Variants in GRID1 observed in about 807,000 individuals in gnomAD.
GRID1 encodes glutamate receptor ionotropic, delta-1.
A neutral mutation model predicts 98.0 loss-of-function variants in GRID1; 28 were observed. That is an observed-to-expected ratio of 0.29 (90% CI 0.21 to 0.39). The LOEUF is 0.39. Ranked by LOEUF, GRID1 falls within the 10% of genes least tolerant of loss-of-function variation. GRID1 has a pLI of 1.00. For missense variants in GRID1, 1,111 were observed against 1,340.5 expected (o/e 0.83, Z 2.67); for synonymous variants, 553 against 538.5 (o/e 1.03, Z -0.37).
At position 86,364,572 on chromosome 10, in the gene GRID1, T is replaced by C. The variant is rs192097071; in HGVS notation, c.80-476A>G. On this transcript the variant is annotated intron_variant, in intron 1 of 15. Coordinates refer to ENST00000327946, the MANE Select transcript of GRID1 (RefSeq NM_017551.3). ...TGGGTCCTTCTCCATGCACGTCCCCTGCTGAGTGGAGCTGAGCGAAGCAGG... is the reference window on the plus strand; with the variant it reads ...TGGGTCCTTCTCCATGCACGTCCCCCGCTGAGTGGAGCTGAGCGAAGCAGG... 1.9e-3 allele frequency among the ~76,000 whole-genome samples: 294 copies of C among 152,304 alleles called. 1 individual carries two copies. The highest frequency in any genetic ancestry group is 6.5e-3 in the African/African-American group (269 of 41,576).
At chr10:86,120,303 G>T (rs1226352493) in intron 4 of GRID1, among the ~76,000 whole-genome samples, 2 of 152,150 alleles carry the variant, frequency 1.3e-5, no homozygotes, top group Non-Finnish European at 2.9e-5. Flanking sequence ...TTCTGTGGTT[G>T]GTCCTTGCCT....
chr10:86,098,609 C>T (rs577144443), intron 4 of GRID1, among the ~76,000 whole-genome samples: 2 of 152,318 alleles, frequency 1.3e-5, no homozygotes, highest in South Asian at 4.1e-4. Flanking sequence ...ATACTCATTA[C>T]TAATTTACCT....
intron 4 of GRID1, among the ~76,000 whole-genome samples, chr10:86,131,712 G>T (rs1219156201): frequency 2.0e-5 from 3 of 152,202 alleles, no homozygotes; most frequent in African/African-American, 7.2e-5. Flanking sequence ...TGATTGCTTA[G>T]ATGCTCCTTT....
intron 8 of GRID1, among the ~76,000 whole-genome samples, chr10:85,824,864 G>T (rs895469347): frequency 2.0e-5 from 3 of 152,154 alleles, no homozygotes; most frequent in African/African-American, 4.8e-5. Context: ...TGAAGTTGCT[G>T]CAAAAGACAT....
At chr10:86,098,545 C>T (rs558650200) in intron 4 of GRID1, among the ~76,000 whole-genome samples, 21 of 152,342 alleles carry the variant, frequency 1.4e-4, no homozygotes, top group African/African-American at 5.1e-4. Context: ...TCTGGAGAGA[C>T]TCCTAGAAAT....
At chr10:86,340,025 C>A (rs1025672360) in intron 2 of GRID1, among the ~76,000 whole-genome samples, 1 of 152,038 alleles carries the variant, frequency 6.6e-6, no homozygotes, top group Non-Finnish European at 1.5e-5. Context: ...GCATGGATCC[C>A]AGGGAAGAAC....
chr10:85,837,040 T>C (rs777702196), intron 8 of GRID1, among the ~76,000 whole-genome samples: 4 of 152,118 alleles, frequency 2.6e-5, no homozygotes, highest in Non-Finnish European at 4.4e-5. Context: ...ACAGGTGGGT[T>C]TTGCTTTACT....
chr10:86,026,711 C>T (rs1284382290), intron 4 of GRID1, among the ~76,000 whole-genome samples: 1 of 152,230 alleles, frequency 6.6e-6, no homozygotes, highest in Non-Finnish European at 1.5e-5. Flanking sequence ...TGAGAAGCAA[C>T]CCAGACCTAC....
intron 8 of GRID1, among the ~76,000 whole-genome samples, chr10:85,738,572 T>C (rs999436419): frequency 5.3e-5 from 8 of 152,196 alleles, no homozygotes; most frequent in South Asian, 2.1e-4. Context: ...TTATTCATAA[T>C]AGCCAAAAAA....
intron 8 of GRID1, among the ~76,000 whole-genome samples, chr10:85,812,038 T>G (rs1001693533): frequency 5.3e-5 from 8 of 151,966 alleles, no homozygotes; most frequent in African/African-American, 1.7e-4. Context: ...CAGAAAAGAA[T>G]GGAATAATTT....
At chr10:85,918,090 A>G (rs1045845676) in intron 4 of GRID1, among the ~76,000 whole-genome samples, 1 of 150,900 alleles carries the variant, frequency 6.6e-6, no homozygotes, top group African/African-American at 2.4e-5. Context: ...GATTCCCAAC[A>G]ATTCAACATT....
chr10:85,773,824 A>T (rs1301002236), intron 8 of GRID1, among the ~76,000 whole-genome samples: 1 of 152,236 alleles, frequency 6.6e-6, no homozygotes, highest in African/African-American at 2.4e-5. Flanking sequence ...GAAATGAAAG[A>T]GGATACAAAG....
At chr10:85,784,293 T>C (rs1842406406) in intron 8 of GRID1, among the ~76,000 whole-genome samples, 1 of 152,146 alleles carries the variant, frequency 6.6e-6, no homozygotes, top group Non-Finnish European at 1.5e-5. Flanking sequence ...TCTGACTACA[T>C]AAACCAATCC....
In GRID1 at chr10:86,365,552, C is replaced by G. The variant is rs143069115; in HGVS notation, c.79+762G>C. Among the ~76,000 whole-genome samples the G allele has an allele frequency of 6.6e-6, 1 of 151,994 alleles. No individual in the cohort carries two copies. Among genetic ancestry groups the G allele is most frequent in the Non-Finnish European group, 1.5e-5 (1 of 67,992 alleles). ...CTTCCCGCTCAGCATCCCCCTACCCCCCGCTGCCCACGCTTCTTCCCTCGG... is the reference window on the plus strand; with the variant it reads ...CTTCCCGCTCAGCATCCCCCTACCCGCCGCTGCCCACGCTTCTTCCCTCGG... On this transcript the variant is annotated intron_variant, in intron 1 of 15. Transcript: ENST00000327946. The surrounding 1 kb of genome is among the most constrained non-coding windows in gnomAD (Gnocchi z 4.8).
At chr10:86,169,760 G>A (rs1845454961) in intron 3 of GRID1, among the ~76,000 whole-genome samples, 1 of 152,208 alleles carries the variant, frequency 6.6e-6, no homozygotes, top group Non-Finnish European at 1.5e-5. Context: ...ATGTCCCATT[G>A]CTAGAGGCAA....
intron 4 of GRID1, among the ~76,000 whole-genome samples, chr10:86,034,955 T>C (rs980693961): frequency 2.7e-5 from 4 of 150,602 alleles, no homozygotes; most frequent in African/African-American, 9.8e-5. Context: ...GATGGATGGA[T>C]AGATGGTTGG....
chr10:86,129,051 C>G (rs1479285397), intron 4 of GRID1, among the ~76,000 whole-genome samples: 1 of 152,190 alleles, frequency 6.6e-6, no homozygotes, highest in African/African-American at 2.4e-5. Flanking sequence ...CCCTTCCCTG[C>G]CCTGTAGACA....
intron 5 of GRID1, among the ~76,000 whole-genome samples, chr10:85,883,544 C>G (rs1451459459): frequency 2.0e-5 from 3 of 151,494 alleles, no homozygotes; most frequent in Non-Finnish European, 3.0e-5. Context: ...CTCTCTCTCT[C>G]TCTCCTCTTC....
At chr10:86,054,587 C>T (rs1372778763) in intron 4 of GRID1, among the ~76,000 whole-genome samples, 2 of 152,220 alleles carry the variant, frequency 1.3e-5, no homozygotes, top group African/African-American at 2.4e-5. Context: ...AGAGGGACTT[C>T]TCATTTTGGC....
Sources: allele counts gnomAD v4.1 joint callset (sites outside exome capture counted in the v4.1 genomes callset), GRCh38; gene constraint gnomAD v4.1.1; non-coding constraint Gnocchi (gnomAD v3.1); transcripts MANE v1.5; gene names NCBI Gene and HGNC (gene_info 2026-07-23, HGNC 2026-07-21).